The following GSE1 variants were observed in gnomAD, a reference collection of about 807,000 sequenced individuals.
GSE1 encodes genetic suppressor element 1.
Under a neutral mutation model 112.6 loss-of-function variants are expected in GSE1, and 32 were observed. The observed-to-expected ratio is 0.28, with a 90% CI of 0.21 to 0.38. The LOEUF (loss-of-function observed/expected upper bound fraction) is 0.38, where lower values mean the gene tolerates loss of function less well. Among genes scored for constraint, GSE1 ranks in the 10% least tolerant of loss-of-function variants. The probability of loss-of-function intolerance (pLI) is 1.00; values close to 1 mark genes in which losing one functional copy is unlikely to be tolerated. For synonymous variants in GSE1, 1,115 were observed against 735.6 expected (o/e 1.52, Z -8.35); for missense variants, 2,348 against 1,699.2 (o/e 1.38, Z -6.71).
At chr16:85,654,121 C>T (rs558653309) in intron 3 of GSE1, among the ~76,000 whole-genome samples, 157 bp from the exon 4 acceptor site, 1 of 152,322 alleles carries the variant, frequency 6.6e-6, no homozygotes, top group South Asian at 2.1e-4. Context: ...TCCCACACCA[C>T]ATGCACCATG....
At position 85,613,688 on chromosome 16, in the gene GSE1, C is replaced by A. The variant is rs370532396; in HGVS notation, c.7+290C>A. ...TGGGGGGGGTGCGTTTAAGTGCGTG[C>A]GGGCTAGAGGGCAGGTAAAGTGGGG... is the stretch of plus-strand genomic sequence containing the variant. On this transcript the variant is annotated intron_variant, in intron 1 of 15. Coordinates refer to ENST00000253458, the MANE Select transcript of GSE1 (RefSeq NM_014615.5). Among the ~76,000 whole-genome samples the A allele has an allele frequency of 1.7e-4, 14 of 81,120 alleles. No homozygotes were observed. The East Asian group carries it at 2.6e-3, about 15-fold the overall frequency. 53.2% of individuals were successfully genotyped at this position (81,120 alleles called of 152,430 possible).
At chr16:85,383,519 A>G (rs998187354) in intron 2 of GSE1, among the ~76,000 whole-genome samples, 5 of 143,954 alleles carry the variant, frequency 3.5e-5, no homozygotes, top group African/African-American at 1.3e-4. Flanking sequence ...ACACACACGC[A>G]CACCTGCGTC....
At chr16:85,395,071 A>G (rs111334920) in intron 2 of GSE1, among the ~76,000 whole-genome samples, 3,552 of 152,188 alleles carry the variant, frequency 0.023, 142 homozygotes, top group African/African-American at 0.08. Context: ...GCGGGCAGAG[A>G]CTGGGGCACC....
intron 1 of GSE1, among the ~76,000 whole-genome samples, chr16:85,181,235 C>G (rs190884417): frequency 1.3e-5 from 2 of 152,348 alleles, no homozygotes; most frequent in Non-Finnish European, 2.9e-5. Flanking sequence ...CTAAAGCCTT[C>G]CCATTTCTCC....
At chr16:85,665,946 TA>T in intron 12 of GSE1, 29 bp from the exon 13 acceptor site, 4 of 1,609,332 alleles carry the variant, frequency 2.5e-6, no homozygotes, top group Non-Finnish European at 3.4e-6. Context: ...TTGCATTTCT[TA>T]ATATTTTCCT....
intron 2 of GSE1, among the ~76,000 whole-genome samples, chr16:85,648,092 T>A (rs548838064): frequency 1.9e-4 from 29 of 152,084 alleles, no homozygotes; most frequent in African/African-American, 7.0e-4. Flanking sequence ...AGCTGGCCTG[T>A]GTGTCCTGGG....
intron 1 of GSE1, among the ~76,000 whole-genome samples, chr16:85,559,976 T>C (rs908822043): frequency 9.2e-5 from 14 of 152,180 alleles, no homozygotes; most frequent in African/African-American, 3.4e-4. Context: ...AGAAACAGAA[T>C]GAGCAGGTCC....
intron 2 of GSE1, among the ~76,000 whole-genome samples, chr16:85,426,103 GAGGA>G (rs56068516): frequency 0.014 from 2,063 of 145,814 alleles, 57 homozygotes; most frequent in African/African-American, 0.049. Context: ...GAGAGGGAGG[GAGGA>G]AGGAAGGAAG....
intron 1 of GSE1, among the ~76,000 whole-genome samples, chr16:85,273,058 G>A (rs1909007607): frequency 6.6e-6 from 1 of 152,232 alleles, no homozygotes. Context: ...TTACAGGCGT[G>A]AGCCACTGTG....
At chr16:85,330,504 G>A (rs758929109) in intron 1 of GSE1, among the ~76,000 whole-genome samples, 3 of 152,196 alleles carry the variant, frequency 2.0e-5, no homozygotes, top group Non-Finnish European at 4.4e-5. Flanking sequence ...GTTCGTGGTC[G>A]CATGTTACAG....
intron 1 of GSE1, among the ~76,000 whole-genome samples, chr16:85,596,731 G>A (rs2047242634): frequency 1.3e-5 from 2 of 152,120 alleles, no homozygotes; most frequent in African/African-American, 4.8e-5. Flanking sequence ...GATGGACAAC[G>A]TTCTCTTCAT....
chr16:85,398,715 G>C (rs778289536), intron 2 of GSE1, among the ~76,000 whole-genome samples: 19 of 152,146 alleles, frequency 1.2e-4, no homozygotes, highest in Non-Finnish European at 2.5e-4. Context: ...TCAGAGCCAG[G>C]AGAGAGAATG....
intron 1 of GSE1, among the ~76,000 whole-genome samples, chr16:85,346,819 G>A (rs1347434949): frequency 7.0e-6 from 1 of 142,360 alleles, no homozygotes; most frequent in Non-Finnish European, 1.5e-5. Flanking sequence ...GGTAGATGGT[G>A]GATGGATGGA....
intron 2 of GSE1, among the ~76,000 whole-genome samples, chr16:85,412,757 C>G (rs1340223658): frequency 6.6e-6 from 1 of 152,236 alleles, no homozygotes; most frequent in Non-Finnish European, 1.5e-5. Context: ...CCGTTGCACT[C>G]AGGGTCCCTC....
In GSE1 at chr16:85,537,641, G is replaced by A. The variant is rs929459143; in HGVS notation, c.2465-96273G>A. 4.6e-5 allele frequency among the ~76,000 whole-genome samples: 7 copies of A among 152,344 alleles called. No homozygotes were observed. The South Asian group carries it at 1.0e-3, about 23-fold the overall frequency. On this transcript the variant is annotated intron_variant, in intron 2 of 2. Transcript: ENST00000637419. ...GTGGATTCGTGCCCAGCCCCCTTCC[G>A]AGGCGCCTGGTTGGCTTCGTACCTG... is the stretch of plus-strand genomic sequence containing the variant.
At chr16:85,251,285 G>A (rs1906450014) in intron 1 of GSE1, among the ~76,000 whole-genome samples, 1 of 146,816 alleles carries the variant, frequency 6.8e-6, no homozygotes, top group Non-Finnish European at 1.5e-5. Context: ...CCCTCAAGGT[G>A]ACAAAGCCTG....
At chr16:85,564,065 A>G (rs919997512) in intron 1 of GSE1, among the ~76,000 whole-genome samples, 1 of 152,212 alleles carries the variant, frequency 6.6e-6, no homozygotes, top group Non-Finnish European at 1.5e-5. Flanking sequence ...ACTGGGCAGG[A>G]GCAGCAGAGG....
chr16:85,634,267 G>A, intron 2 of GSE1, 135 bp downstream of exon 2: 1 of 633,542 alleles, frequency 1.6e-6, no homozygotes, highest in East Asian at 3.5e-5. Flanking sequence ...GGAGCAGGCA[G>A]TGCTGGCTGA....
intron 1 of GSE1, among the ~76,000 whole-genome samples, chr16:85,259,069 G>A (rs1907389412): frequency 1.3e-5 from 2 of 152,192 alleles, no homozygotes; most frequent in South Asian, 2.1e-4. Flanking sequence ...AGAGGAGGGG[G>A]CCTTGACCTC....
Sources: gnomAD v4.1 joint callset for allele counts (sites outside exome capture counted in the v4.1 genomes callset) on GRCh38, gnomAD v4.1.1 for gene constraint, MANE v1.5 for transcripts, NCBI Gene and HGNC (gene_info 2026-07-23, HGNC 2026-07-21) for gene names.